CNTNAP2: variants seen among roughly 807,000 people sequenced by gnomAD.
The protein encoded by CNTNAP2 is contactin-associated protein-like 2.
A neutral mutation model predicts 155.2 loss-of-function variants in CNTNAP2; 98 were observed. The observed-to-expected ratio is 0.63, with a 90% CI of 0.54 to 0.75. The LOEUF (loss-of-function observed/expected upper bound fraction) is 0.75, where lower values mean the gene tolerates loss of function less well. Among genes scored for constraint, CNTNAP2 ranks in the 30% least tolerant of loss-of-function variants. CNTNAP2 has a pLI of 0.00. For synonymous variants in CNTNAP2, 651 were observed against 631.2 expected (o/e 1.03, Z -0.47); for missense variants, 1,727 against 1,688.1 (o/e 1.02, Z -0.40).
At chr7:147,145,819 G>A (rs1254034947) in intron 8 of CNTNAP2, among the ~76,000 whole-genome samples, 7 of 152,140 alleles carry the variant, frequency 4.6e-5, no homozygotes, top group African/African-American at 1.7e-4. Context: ...ATGAAGAGAC[G>A]TTGTCAATTC....
At chr7:147,368,024 CCCCTCCT>C (rs1796269419) in intron 9 of CNTNAP2, among the ~76,000 whole-genome samples, 3 of 120,116 alleles carry the variant, frequency 2.5e-5, no homozygotes, top group South Asian at 3.3e-4. Flanking sequence ...CCCCCCCCTC[CCCCTCCT>C]CCTCTGTCCC....
chr7:147,699,194 G>A (rs1049657437), intron 13 of CNTNAP2, among the ~76,000 whole-genome samples: 2 of 151,128 alleles, frequency 1.3e-5, no homozygotes, highest in East Asian at 1.9e-4. Flanking sequence ...CAAGCTGAAC[G>A]GGTTGGAGTT....
intron 1 of CNTNAP2, among the ~76,000 whole-genome samples, chr7:146,667,191 T>C (rs1181717829): frequency 6.6e-6 from 1 of 152,104 alleles, no homozygotes; most frequent in Non-Finnish European, 1.5e-5. Flanking sequence ...TTAGTTACTT[T>C]CTGCAGGAGA....
At chr7:148,093,639 C>T (rs1311974126) in intron 15 of CNTNAP2, among the ~76,000 whole-genome samples, 3 of 152,208 alleles carry the variant, frequency 2.0e-5, no homozygotes, top group Non-Finnish European at 4.4e-5. Context: ...GACAAATTCA[C>T]CCTGACCCAA....
intron 12 of CNTNAP2, among the ~76,000 whole-genome samples, chr7:147,567,154 C>G (rs1217201698): frequency 6.6e-6 from 1 of 152,100 alleles, no homozygotes; most frequent in Non-Finnish European, 1.5e-5. Context: ...GAGCTACATC[C>G]TAGGCAATTA....
chr7:146,743,165 A>C (rs567709090), intron 1 of CNTNAP2, among the ~76,000 whole-genome samples: 20 of 152,266 alleles, frequency 1.3e-4, no homozygotes, highest in Admixed American at 3.9e-4. Flanking sequence ...ACATAGTGAA[A>C]TTGATTAGTA....
At chr7:146,694,725 T>A (rs1401297559) in intron 1 of CNTNAP2, among the ~76,000 whole-genome samples, 3 of 152,200 alleles carry the variant, frequency 2.0e-5, no homozygotes, top group Non-Finnish European at 4.4e-5. Context: ...TTTCTATTCA[T>A]GATCATATCT....
At chr7:146,145,684 T>C (rs1348533025) in intron 1 of CNTNAP2, among the ~76,000 whole-genome samples, 1 of 152,152 alleles carries the variant, frequency 6.6e-6, no homozygotes, top group Non-Finnish European at 1.5e-5. Context: ...ATAGTTCTAT[T>C]TCTAGGAATG....
intron 3 of CNTNAP2, among the ~76,000 whole-genome samples, chr7:146,929,986 G>A (rs1465497568): frequency 6.6e-6 from 1 of 152,156 alleles, no homozygotes; most frequent in Non-Finnish European, 1.5e-5. Flanking sequence ...CAGTGATGGG[G>A]AGAATGGAAC....
At chr7:147,719,202 T>C (rs143590500) in intron 13 of CNTNAP2, among the ~76,000 whole-genome samples, 72 of 152,222 alleles carry the variant, frequency 4.7e-4, no homozygotes, top group African/African-American at 1.6e-3. Flanking sequence ...TTGCAGAAGC[T>C]GGGTACCTAA....
intron 13 of CNTNAP2, among the ~76,000 whole-genome samples, chr7:147,658,983 G>GC (rs1795572974): frequency 6.6e-6 from 1 of 151,992 alleles, no homozygotes; most frequent in African/African-American, 2.4e-5. Flanking sequence ...CTTCAGGGAG[G>GC]CCCCCCTCAA....
chr7:148,004,364 A>G (rs1801940959), intron 15 of CNTNAP2, among the ~76,000 whole-genome samples: 1 of 152,140 alleles, frequency 6.6e-6, no homozygotes, highest in Admixed American at 6.5e-5. Context: ...TACTACATAA[A>G]TTTTTCTTAG....
chr7:146,646,027 T>G (rs1363736162), intron 1 of CNTNAP2, among the ~76,000 whole-genome samples: 1 of 152,206 alleles, frequency 6.6e-6, no homozygotes, highest in Non-Finnish European at 1.5e-5. Flanking sequence ...AATTACTATG[T>G]TAAAACTTCT....
chr7:146,233,735 G>A (rs942581249), intron 1 of CNTNAP2, among the ~76,000 whole-genome samples: 71 of 151,932 alleles, frequency 4.7e-4, no homozygotes, highest in African/African-American at 1.4e-3. Flanking sequence ...TTGTTCTTGC[G>A]ATAGTTTACT....
chr7:146,448,780 A>C lies in CNTNAP2; in HGVS notation c.98-325491A>C, dbSNP rs551556100. Among the ~76,000 whole-genome samples, 8 of 152,248 alleles carry C rather than the reference A, an allele frequency of 5.3e-5. No homozygotes were observed. In the East Asian group the frequency reaches 1.3e-3, roughly 26 times the overall value. ...GAATATAGAACTATTCTGTTAACAC[A>C]AAACTTTTCTTCACACTACACCTTT... On this transcript the variant is annotated intron_variant, in intron 1 of 23. Transcript: ENST00000361727.
intron 1 of CNTNAP2, among the ~76,000 whole-genome samples, chr7:146,217,883 C>T (rs1799138602): frequency 6.6e-6 from 1 of 152,100 alleles, no homozygotes; most frequent in African/African-American, 2.4e-5. Context: ...TGTTGTTCCC[C>T]TCTTAACTTA....
intron 4 of CNTNAP2, among the ~76,000 whole-genome samples, chr7:147,102,654 A>G (rs1342656742): frequency 6.6e-5 from 10 of 152,234 alleles, no homozygotes; most frequent in African/African-American, 2.4e-4. Flanking sequence ...AGTGATTTTC[A>G]GATTCTATCT....
intron 2 of CNTNAP2, among the ~76,000 whole-genome samples, chr7:146,781,348 TAA>T (rs71165039): frequency 1.9e-3 from 288 of 147,742 alleles, no homozygotes; most frequent in Middle Eastern, 3.5e-3. Flanking sequence ...TTCCAGAACT[TAA>T]AAAAAAAAAA....
At chr7:146,695,750 A>G (rs570139889) in intron 1 of CNTNAP2, among the ~76,000 whole-genome samples, 1 of 152,250 alleles carries the variant, frequency 6.6e-6, no homozygotes, top group Non-Finnish European at 1.5e-5. Flanking sequence ...TTTACAAATA[A>G]GCATATATTT....
Sources: gnomAD v4.1 joint callset for allele counts (sites outside exome capture counted in the v4.1 genomes callset) on GRCh38, gnomAD v4.1.1 for gene constraint, MANE v1.5 for transcripts, NCBI Gene and HGNC (gene_info 2026-07-23, HGNC 2026-07-21) for gene names.